Variants in EPS8 observed in about 807,000 individuals in gnomAD.
The protein encoded by EPS8 is EGFR pathway substrate 8, signaling adaptor.
A neutral mutation model predicts 103.8 loss-of-function variants in EPS8; 42 were observed. The observed-to-expected ratio is 0.40, with a 90% CI of 0.32 to 0.52. The LOEUF is 0.52. EPS8 is among the 20% of genes least tolerant of loss of function. The pLI is 0.40. For missense variants in EPS8, 969 were observed against 1,005.1 expected, an observed-to-expected ratio of 0.96 and a Z score of 0.49; for synonymous variants, 344 against 344.6, an observed-to-expected ratio of 1.00 and a Z score of 0.02.
At chr12:15,766,988 CCAGT>C (rs1333113683) in intron 1 of EPS8, among the ~76,000 whole-genome samples, 1 of 152,100 alleles carries the variant, frequency 6.6e-6, no homozygotes, top group Admixed American at 6.5e-5. Context: ...ATTCCACAAG[CCAGT>C]CAAATAGCCA....
chr12:15,677,272 A>C (rs1945924481), intron 3 of EPS8, among the ~76,000 whole-genome samples: 1 of 152,196 alleles, frequency 6.6e-6, no homozygotes, highest in Non-Finnish European at 1.5e-5. Context: ...TAAATGAGGA[A>C]ACTGGGGCCA....
chr12:15,753,143 T>A (rs1946950899), intron 1 of EPS8, among the ~76,000 whole-genome samples: 1 of 152,138 alleles, frequency 6.6e-6, no homozygotes, highest in African/African-American at 2.4e-5. Flanking sequence ...CCCTGTCCCC[T>A]GCAACATGCC....
At chr12:15,681,852 A>C (rs1260440933) in intron 2 of EPS8, among the ~76,000 whole-genome samples, 1 of 151,242 alleles carries the variant, frequency 6.6e-6, no homozygotes, top group African/African-American at 2.4e-5. Flanking sequence ...ATAGTGCTTT[A>C]TTTGAATTTT....
At chr12:15,683,650 T>C (rs1347364093) in intron 1 of EPS8, 2 of 152,200 alleles carry the variant, frequency 1.3e-5, no homozygotes, top group African/African-American at 4.8e-5. Flanking sequence ...ATATTTAACC[T>C]CAAAAACCAT....
rs11056630 is a variant in EPS8, at chr12:15,747,463, A to T, written c.-22+41698T>A. Among the ~76,000 whole-genome samples, 164 of 152,298 alleles carry T rather than the reference A, an allele frequency of 1.1e-3. 2 individuals are homozygous for T. In the East Asian group the frequency reaches 0.03, roughly 28 times the overall value. On this transcript the variant is annotated intron_variant, in intron 1 of 20. Transcript: ENST00000281172. This position sits in a 1 kb window ranked among gnomAD's most constrained non-coding sequence, Gnocchi z 4.4. ...TTAGGAGCAGCTGGTTAGTTCCAGT[A>T]CTACCAATTCAGTAATCTTATAAGT...
chr12:15,700,782 T>C lies in EPS8; in HGVS notation c.-21-17810A>G, dbSNP rs1265147206. 6.6e-6 allele frequency among the ~76,000 whole-genome samples: 1 copy of C among 152,186 alleles called. No individual in the cohort carries two copies. The highest frequency in any genetic ancestry group is 1.5e-5 in the Non-Finnish European group (1 of 68,016). Reference sequence around the variant, plus strand: ...CTATGCTCTGACTCACCAAGACCACTTCCTGAAACACCCAATGTTTTTCTT... The same window carrying C: ...CTATGCTCTGACTCACCAAGACCACCTCCTGAAACACCCAATGTTTTTCTT... On this transcript the variant is annotated intron_variant, in intron 1 of 20. Coordinates refer to ENST00000281172, the MANE Select transcript of EPS8 (RefSeq NM_004447.6). This position sits in a 1 kb window ranked among gnomAD's most constrained non-coding sequence, Gnocchi z 5.1.
chr12:15,730,104 C>A (rs12099839), intron 1 of EPS8, among the ~76,000 whole-genome samples: 6,628 of 152,184 alleles, frequency 0.044, 489 homozygotes, highest in African/African-American at 0.15. Flanking sequence ...TATATCAACT[C>A]CCATCTCTAT....
Position 15,771,478 on chromosome 12 carries a change from A to G in EPS8, c.-22+17683T>C, listed in dbSNP as rs1370421383. On this transcript the variant is annotated intron_variant, in intron 1 of 20. Transcript: ENST00000281172. The surrounding 1 kb of genome is among the most constrained non-coding windows in gnomAD (Gnocchi z 4.6). Reference sequence around the variant, plus strand: ...AAGTAGGACAGAGGCAGATACAGAGACATTCAGGAGGGAATAGCTTAAGAA... The same window carrying G: ...AAGTAGGACAGAGGCAGATACAGAGGCATTCAGGAGGGAATAGCTTAAGAA... 6.6e-6 allele frequency among the ~76,000 whole-genome samples: 1 copy of G among 152,232 alleles called. No individual in the cohort carries two copies. The highest frequency in any genetic ancestry group is 1.9e-4 in the East Asian group (1 of 5,202).
rs932574260 is a variant in EPS8, at chr12:15,716,769, T to A, written c.-21-33797A>T. The stretch of plus-strand genomic sequence containing the variant: ...CCAAAATGATGTGAGGTCACTTACA[T>A]AAATTGTTAGGACAACCAAGCAGAA... On this transcript the variant is annotated intron_variant, in intron 1 of 20. Coordinates refer to ENST00000281172, the MANE Select transcript of EPS8 (RefSeq NM_004447.6). The surrounding 1 kb of genome is among the most constrained non-coding windows in gnomAD (Gnocchi z 5.0). Among the ~76,000 whole-genome samples, 1 of 152,326 alleles carries A rather than the reference T, an allele frequency of 6.6e-6. No individual in the cohort carries two copies. Among genetic ancestry groups the A allele is most frequent in the East Asian group, 1.9e-4 (1 of 5,182 alleles).
rs1278992919 is a variant in EPS8 at position 15,736,815 on chromosome 12, A to AG, written c.-22+52345_-22+52346insC. ...AACCAAGCATATGTCAATACCCTCC[A>AG]TGGAGACACTATATTACAGCCCCAA... On this transcript the variant is annotated intron_variant, in intron 1 of 20. Transcript: ENST00000281172. This position sits in a 1 kb window ranked among gnomAD's most constrained non-coding sequence, Gnocchi z 4.2. 1.3e-5 allele frequency among the ~76,000 whole-genome samples: 2 copies of AG among 152,168 alleles called. No homozygotes were observed. Among genetic ancestry groups the AG allele is most frequent in the African/African-American group, 4.8e-5 (2 of 41,444 alleles).
chr12:15,691,294 A>G (rs191025395), intron 1 of EPS8, among the ~76,000 whole-genome samples: 40 of 151,880 alleles, frequency 2.6e-4, no homozygotes, highest in Middle Eastern at 3.4e-3. Flanking sequence ...TAATCCCAAC[A>G]CTTTGGGAAG....
In EPS8 at chr12:15,759,421, T is replaced by C. The variant is rs1274542405; in HGVS notation, c.-22+29740A>G. Among the ~76,000 whole-genome samples, 1 of 152,138 alleles carries C rather than the reference T, an allele frequency of 6.6e-6. No homozygotes were observed. The highest frequency in any genetic ancestry group is 1.5e-5 in the Non-Finnish European group (1 of 67,972). On this transcript the variant is annotated intron_variant, in intron 1 of 20. Transcript: ENST00000281172. This position sits in a 1 kb window ranked among gnomAD's most constrained non-coding sequence, Gnocchi z 4.9. ...ATGACCATCTACTGTATTTAATATT[T>C]ATCCATTAAGAAAGATACTAGCACT...
At chr12:15,623,316 G>A (rs771671171) in intron 19 of EPS8, 29 bp from the exon 20 acceptor site, 3 of 1,561,166 alleles carry the variant, frequency 1.9e-6, no homozygotes, top group East Asian at 4.5e-5. Flanking sequence ...AAAAGAAACT[G>A]AGCATTAAAA....
chr12:15,662,354 T>C, intron 8 of EPS8: 1 of 1,191,012 alleles, frequency 8.4e-7, no homozygotes, highest in Non-Finnish European at 1.0e-6. Context: ...ATCACCCCAT[T>C]CTCTCTCTTC....
rs1235278247 is a variant in EPS8, at chr12:15,761,910, G to C, written c.-22+27251C>G. On this transcript the variant is annotated intron_variant, in intron 1 of 20. Transcript: ENST00000281172. The surrounding 1 kb of genome is among the most constrained non-coding windows in gnomAD (Gnocchi z 4.5). ...CTTGAGTAATACCTCACGAGAACAG[G>C]CAACCAAAACGAAAAGGGACAAATG... is the stretch of plus-strand genomic sequence containing the variant. Among the ~76,000 whole-genome samples, 1 of 151,986 alleles carries C rather than the reference G, an allele frequency of 6.6e-6. No homozygotes were observed. Among genetic ancestry groups the C allele is most frequent in the Non-Finnish European group, 1.5e-5 (1 of 67,986 alleles).
At chr12:15,663,604 G>T (rs1250081159) in intron 8 of EPS8, among the ~76,000 whole-genome samples, 2 of 152,024 alleles carry the variant, frequency 1.3e-5, no homozygotes, top group Non-Finnish European at 2.9e-5. Flanking sequence ...GAAACCCCTA[G>T]GGATAAATTC....
chr12:15,724,735 G>A (rs868257965), intron 1 of EPS8, among the ~76,000 whole-genome samples: 1 of 152,092 alleles, frequency 6.6e-6, no homozygotes, highest in African/African-American at 2.4e-5. Flanking sequence ...AGTTTTATAA[G>A]GGGTTTTTCC....
At chr12:15,724,189 T>C (rs1427767577) in intron 1 of EPS8, among the ~76,000 whole-genome samples, 1 of 152,176 alleles carries the variant, frequency 6.6e-6, no homozygotes, top group Non-Finnish European at 1.5e-5. Flanking sequence ...ATAAGGTATA[T>C]GTAAAATATC....
At chr12:15,633,990 T>C (rs1313271763) in intron 17 of EPS8, among the ~76,000 whole-genome samples, 1 of 152,248 alleles carries the variant, frequency 6.6e-6, no homozygotes, top group Admixed American at 6.5e-5. Context: ...CTTTTGGCTA[T>C]TTTTTGTTGA....
Sources: allele counts gnomAD v4.1 joint callset (sites outside exome capture counted in the v4.1 genomes callset), GRCh38; gene constraint gnomAD v4.1.1; non-coding constraint Gnocchi (gnomAD v3.1); transcripts MANE v1.5; gene names NCBI Gene and HGNC (gene_info 2026-07-23, HGNC 2026-07-21).